Variants in TSPAN9 observed in about 807,000 individuals in gnomAD.
The protein encoded by TSPAN9 is tetraspanin 9.
TSPAN9 carries 16 observed loss-of-function variants against 31.0 expected under a neutral mutation model. That is an observed-to-expected ratio of 0.52 (90% CI 0.35 to 0.78). The LOEUF (loss-of-function observed/expected upper bound fraction) is 0.78, where lower values mean the gene tolerates loss of function less well. Ranked by LOEUF, TSPAN9 falls within the 30% of genes least tolerant of loss-of-function variation. The pLI, the probability that TSPAN9 is intolerant of heterozygous loss-of-function variation, is 0.01. For missense variants in TSPAN9, 272 were observed against 312.5 expected, an observed-to-expected ratio of 0.87 and a Z score of 0.98; for synonymous variants, 145 against 121.6, an observed-to-expected ratio of 1.19 and a Z score of -1.27.
chr12:3,241,700 C>T (rs143039801), intron 3 of TSPAN9, among the ~76,000 whole-genome samples: 4 of 152,304 alleles, frequency 2.6e-5, no homozygotes, highest in South Asian at 4.1e-4. Context: ...GGCTCTGAGC[C>T]GTGACAGGCG....
At chr12:3,137,398 C>T (rs1349132244) in intron 2 of TSPAN9, among the ~76,000 whole-genome samples, 2 of 152,214 alleles carry the variant, frequency 1.3e-5, no homozygotes, top group Non-Finnish European at 2.9e-5. Flanking sequence ...CCTGACTCCT[C>T]GCCCTTCCCA....
chr12:3,248,639 A>T (rs151157034), intron 3 of TSPAN9, among the ~76,000 whole-genome samples: 20 of 127,734 alleles, frequency 1.6e-4, no homozygotes, highest in African/African-American at 5.0e-4. Context: ...AATAGATCAT[A>T]TTTTTTTTTT....
At chr12:3,157,696 C>G (rs1285191145) in intron 2 of TSPAN9, among the ~76,000 whole-genome samples, 1 of 152,216 alleles carries the variant, frequency 6.6e-6, no homozygotes, top group Non-Finnish European at 1.5e-5. Flanking sequence ...AGGGAAACAG[C>G]CAGGACTGGA....
At chr12:3,103,008 C>T (rs1228701270) in intron 2 of TSPAN9, among the ~76,000 whole-genome samples, 1 of 152,216 alleles carries the variant, frequency 6.6e-6, no homozygotes, top group African/African-American at 2.4e-5. Flanking sequence ...GAGAGCCTGT[C>T]TAGAAACCTA....
At chr12:3,272,124 G>C (rs1277801566) in intron 3 of TSPAN9, among the ~76,000 whole-genome samples, 1 of 152,174 alleles carries the variant, frequency 6.6e-6, no homozygotes, top group African/African-American at 2.4e-5. Context: ...GAGGGTGTCA[G>C]GGGGGCCAGG....
At chr12:3,224,138 A>G (rs750213791) in intron 3 of TSPAN9, among the ~76,000 whole-genome samples, 23 of 152,342 alleles carry the variant, frequency 1.5e-4, no homozygotes, top group Non-Finnish European at 3.1e-4. Flanking sequence ...CCATCAAGTC[A>G]GAATCCTTAC....
At chr12:3,199,099 G>A (rs2098369627) in intron 2 of TSPAN9, among the ~76,000 whole-genome samples, 1 of 152,184 alleles carries the variant, frequency 6.6e-6, no homozygotes, top group African/African-American at 2.4e-5. Flanking sequence ...CTGTTTCTTC[G>A]AGGGCCTGGC....
In TSPAN9 at chr12:3,240,163, CCT is replaced by C. The variant is rs556130552; in HGVS notation, c.64-38257_64-38256del. Among the ~76,000 whole-genome samples, 841 of 152,316 alleles carry C rather than the reference CCT, an allele frequency of 5.5e-3. 5 individuals carry two copies. The highest frequency in any genetic ancestry group is 0.037 in the Middle Eastern group (11 of 294). On this transcript the variant is annotated intron_variant, in intron 3 of 8. Transcript: ENST00000011898. The stretch of plus-strand genomic sequence containing the variant: ...TCCTTTATTTCCTCTACTTTCACCC[CCT>C]GTTTTCCTCCTCGAGTATTTTAAAG...
chr12:3,079,895 C>T lies in TSPAN9; in HGVS notation c.-85+2442C>T, dbSNP rs541555791. ...AAGTGATCCTCCCACCTTAGCCTCC[C>T]GAGTAGCTGGGACTATAGGTACAGG... On this transcript the variant is annotated intron_variant, in intron 1 of 8. Coordinates refer to ENST00000011898, the MANE Select transcript of TSPAN9 (RefSeq NM_006675.5). Among the ~76,000 whole-genome samples the T allele has an allele frequency of 8.6e-5, 13 of 151,854 alleles. No homozygotes were observed. The South Asian group carries it at 2.1e-3, about 24-fold the overall frequency.
intron 3 of TSPAN9, among the ~76,000 whole-genome samples, chr12:3,236,160 C>A (rs547008404): frequency 2.0e-5 from 3 of 150,562 alleles, no homozygotes; most frequent in Admixed American, 2.0e-4. Context: ...TTGGTTTGAA[C>A]CCCCTGCTCT....
intron 2 of TSPAN9, among the ~76,000 whole-genome samples, chr12:3,108,726 T>C (rs893571779): frequency 2.0e-5 from 3 of 152,194 alleles, no homozygotes; most frequent in Non-Finnish European, 4.4e-5. Flanking sequence ...TTCTTTCCTA[T>C]CCCCCTCCTT....
At chr12:3,140,516 C>T (rs941965396) in intron 2 of TSPAN9, among the ~76,000 whole-genome samples, 1 of 152,136 alleles carries the variant, frequency 6.6e-6, no homozygotes, top group Non-Finnish European at 1.5e-5. Flanking sequence ...CCCAGGCCTG[C>T]AGAGGAGTCC....
chr12:3,148,446 G>T (rs1397903822), intron 2 of TSPAN9, among the ~76,000 whole-genome samples: 1 of 152,194 alleles, frequency 6.6e-6, no homozygotes, highest in Non-Finnish European at 1.5e-5. Flanking sequence ...GCTCGGGCTG[G>T]GTTCAGGATG....
intron 1 of TSPAN9, among the ~76,000 whole-genome samples, chr12:3,078,669 G>A (rs920483415): frequency 2.0e-5 from 3 of 152,162 alleles, no homozygotes; most frequent in African/African-American, 7.2e-5. Context: ...ATGCAGCTGG[G>A]CTGTGGGTTG....
At chr12:3,241,269 ATG>A (rs1200162324) in intron 3 of TSPAN9, among the ~76,000 whole-genome samples, 1 of 152,244 alleles carries the variant, frequency 6.6e-6, no homozygotes, top group Non-Finnish European at 1.5e-5. Flanking sequence ...AAAGTATGAT[ATG>A]TGTGTGGATA....
At chr12:3,219,443 C>G (rs532211208) in intron 3 of TSPAN9, among the ~76,000 whole-genome samples, 63 of 152,250 alleles carry the variant, frequency 4.1e-4, no homozygotes, top group African/African-American at 1.4e-3. Flanking sequence ...CCCCATCTCC[C>G]GGTGTGGGTC....
chr12:3,200,821 GC>G, intron 2 of TSPAN9: 1 of 220,920 alleles, frequency 4.5e-6, no homozygotes, highest in Non-Finnish European at 8.8e-6. Context: ...GCAAGGCTCC[GC>G]CGGCCCCCCC....
At chr12:3,250,911 G>T (rs1008028764) in intron 3 of TSPAN9, among the ~76,000 whole-genome samples, 1 of 152,210 alleles carries the variant, frequency 6.6e-6, no homozygotes, top group Non-Finnish European at 1.5e-5. Flanking sequence ...GGACCGGGGT[G>T]ACAGGGTGGC....
Position 3,078,128 on chromosome 12 carries a change from G to A in TSPAN9, c.-85+675G>A, listed in dbSNP as rs569335971. Among the ~76,000 whole-genome samples the A allele has an allele frequency of 7.9e-5, 12 of 152,258 alleles. No individual in the cohort carries two copies. The East Asian group carries it at 2.1e-3, about 27-fold the overall frequency. On this transcript the variant is annotated intron_variant, in intron 1 of 8. Transcript: ENST00000011898. The stretch of plus-strand genomic sequence containing the variant: ...TCTCCTCCCTCTTTGAAAAATATAC[G>A]AGTCACTGCTTCATCTTCCCCCAAA...
Sources: allele counts gnomAD v4.1 joint callset (sites outside exome capture counted in the v4.1 genomes callset), GRCh38; gene constraint gnomAD v4.1.1; transcripts MANE v1.5; gene names NCBI Gene and HGNC (gene_info 2026-07-23, HGNC 2026-07-21).